EEA1: variants seen among roughly 807,000 people sequenced by gnomAD.
EEA1 encodes early endosome antigen 1, 162kD.
In EEA1, 111 loss-of-function variants were observed where a neutral mutation model predicts 209.2. That is an observed-to-expected ratio of 0.53 (90% CI 0.45 to 0.62). The LOEUF (loss-of-function observed/expected upper bound fraction) is 0.62, where lower values mean the gene tolerates loss of function less well. EEA1 is among the 20% of genes least tolerant of loss of function. The probability of loss-of-function intolerance (pLI) is 0.00; values close to 1 mark genes in which losing one functional copy is unlikely to be tolerated. For synonymous variants in EEA1, 536 were observed against 540.6 expected, an observed-to-expected ratio of 0.99 and a Z score of 0.12; for missense variants, 1,343 against 1,530.8, an observed-to-expected ratio of 0.88 and a Z score of 2.05.
At chr12:92,847,959 A>G (rs751024527) in intron 9 of EEA1, among the ~76,000 whole-genome samples, 1 of 152,122 alleles carries the variant, frequency 6.6e-6, no homozygotes, top group Non-Finnish European at 1.5e-5. Context: ...CTCTTAAGTT[A>G]CCATTTCCTA....
chr12:92,851,079 G>A, intron 9 of EEA1, 32 bp downstream of exon 9: 1 of 1,606,332 alleles, frequency 6.2e-7, no homozygotes, highest in Non-Finnish European at 8.5e-7. Flanking sequence ...AAGCTAATAT[G>A]AATCACATTT....
chr12:92,855,947 T>A (rs553973864), intron 5 of EEA1, among the ~76,000 whole-genome samples: 1 of 152,320 alleles, frequency 6.6e-6, no homozygotes, highest in South Asian at 2.1e-4. Context: ...TTATAAGTAA[T>A]TTGGATTACT....
intron 2 of EEA1, among the ~76,000 whole-genome samples, chr12:92,879,960 CCAAT>C (rs1879065881): frequency 6.6e-6 from 1 of 152,224 alleles, no homozygotes; most frequent in South Asian, 2.1e-4. Flanking sequence ...TCCAAACAAT[CCAAT>C]CATATCCTTC....
At chr12:92,802,862 T>C (rs1383952312) in intron 18 of EEA1, 128 bp from the exon 19 acceptor site, 8 of 677,478 alleles carry the variant, frequency 1.2e-5, no homozygotes, top group East Asian at 3.3e-5. Context: ...GTAAAAATAA[T>C]TTAATTTCAT....
At chr12:92,857,052 G>T (rs897229810) in intron 5 of EEA1, among the ~76,000 whole-genome samples, 7 of 151,930 alleles carry the variant, frequency 4.6e-5, no homozygotes, top group Admixed American at 3.3e-4. Flanking sequence ...GATTACAGGC[G>T]TGGGCCCATC....
rs149373228 is a variant in EEA1, at chr12:92,893,453, A to G, written c.25-1732T>C. ...GACATCTCCACTGAAATGCCCCTCA[A>G]TCACCCAAGATTCAAAACACCTCAC... On this transcript the variant is annotated intron_variant, in intron 1 of 28. Coordinates refer to ENST00000322349, the MANE Select transcript of EEA1 (RefSeq NM_003566.4). Among the ~76,000 whole-genome samples, 27 of 152,294 alleles carry G rather than the reference A, an allele frequency of 1.8e-4. No homozygotes were observed. The East Asian group carries it at 5.2e-3, about 29-fold the overall frequency.
chr12:92,928,686 G>A (rs1712345752), intron 1 of EEA1, among the ~76,000 whole-genome samples: 1 of 152,114 alleles, frequency 6.6e-6, no homozygotes, highest in African/African-American at 2.4e-5. Context: ...GCAGGCGGCG[G>A]CTGGCCCGTC....
At chr12:92,812,678 C>A (rs1875577404) in intron 16 of EEA1, among the ~76,000 whole-genome samples, 1 of 151,990 alleles carries the variant, frequency 6.6e-6, no homozygotes, top group Admixed American at 6.6e-5. Context: ...GGCAACAATT[C>A]AAAAGTTAGG....
intron 2 of EEA1, chr12:92,884,716 A>G: frequency 2.8e-6 from 4 of 1,441,596 alleles, no homozygotes; most frequent in Admixed American, 3.4e-5. Context: ...TAGGAAACAA[A>G]GCTTAGCAGG....
At chr12:92,897,045 C>T (rs1376055975) in intron 1 of EEA1, among the ~76,000 whole-genome samples, 3 of 152,064 alleles carry the variant, frequency 2.0e-5, no homozygotes, top group Non-Finnish European at 4.4e-5. Flanking sequence ...GGCGTGGTGG[C>T]GTTCACCTGT....
intron 1 of EEA1, among the ~76,000 whole-genome samples, chr12:92,921,870 AAAAAAAAAAAAAAAAAG>A (rs1478890201): frequency 1.4e-5 from 2 of 146,706 alleles, no homozygotes; most frequent in Admixed American, 1.3e-4. Flanking sequence ...CTGTCTCAAA[AAAAAAAAAAAAAAAAAG>A]AAAAAAAGAA....
chr12:92,774,061 A>AAC lies in EEA1; in HGVS notation c.*1949_*1950insGT, dbSNP rs1340873737. On this transcript the variant is annotated 3_prime_UTR_variant, in exon 29 of 29. Transcript: ENST00000322349. ...TGGAATTTATTATCTCAAAAAAAAA[A>AAC]AAAAAACAGTGGTGCTGTGAATATC... 1.3e-5 allele frequency: 2 copies of AAC among 150,702 alleles called. No homozygotes were observed. Among genetic ancestry groups the AAC allele is most frequent in the Non-Finnish European group, 3.0e-5 (2 of 67,240 alleles). 9.3% of individuals were successfully genotyped at this position (150,702 alleles called of 1,614,324 possible).
intron 1 of EEA1, among the ~76,000 whole-genome samples, chr12:92,919,632 C>G (rs1233776603): frequency 6.1e-5 from 9 of 146,976 alleles, no homozygotes; most frequent in Admixed American, 2.1e-4. Flanking sequence ...AAACCCACAG[C>G]CAATATCATA....
chr12:92,922,966 AAAT>A (rs1002460734), intron 1 of EEA1, among the ~76,000 whole-genome samples: 1 of 149,502 alleles, frequency 6.7e-6, no homozygotes, highest in Non-Finnish European at 1.5e-5. Context: ...CTCAAAAATA[AAAT>A]AAAATAAAAT....
Position 92,777,540 on chromosome 12 carries a change from G to C in EEA1, c.4014+3C>G. Reference sequence around the variant, plus strand: ...AACTGCTTCATATCCATAGGTGACTGACCTGAAGTGATTGGTTTTCTCTGC... The same window carrying C: ...AACTGCTTCATATCCATAGGTGACTCACCTGAAGTGATTGGTTTTCTCTGC... On this transcript the variant is annotated splice_donor_region_variant and intron_variant, in intron 27 of 28. Transcript: ENST00000322349. 1 of 1,611,194 alleles carries C rather than the reference G, an allele frequency of 6.2e-7. No homozygotes were observed. The highest frequency in any genetic ancestry group is 1.1e-5 in the South Asian group (1 of 90,804).
chr12:92,923,070 G>A (rs111874990), intron 1 of EEA1, among the ~76,000 whole-genome samples: 13,221 of 151,930 alleles, frequency 0.087, 654 homozygotes, highest in Non-Finnish European at 0.098. Context: ...TTCTCTGGCC[G>A]GGCGCGGTGG....
chr12:92,786,334 GACTTTCAAT>G (rs146912441), intron 22 of EEA1, among the ~76,000 whole-genome samples: 1,775 of 152,166 alleles, frequency 0.012, 33 homozygotes, highest in African/African-American at 0.041. Flanking sequence ...AAGCTTCCTT[GACTTTCAAT>G]ACTTTCAATA....
intron 1 of EEA1, among the ~76,000 whole-genome samples, chr12:92,904,150 G>A (rs2454392): frequency 2.6e-5 from 4 of 151,896 alleles, no homozygotes; most frequent in Admixed American, 6.6e-5. Context: ...TAGTAGAGAC[G>A]GGGTTTCTCC....
chr12:92,790,847 G>A (rs1409032853), intron 21 of EEA1, among the ~76,000 whole-genome samples: 1 of 152,136 alleles, frequency 6.6e-6, no homozygotes, highest in Non-Finnish European at 1.5e-5. Context: ...TGAAATGAAG[G>A]AAAAAATGTT....
Sources: allele counts gnomAD v4.1 joint callset (sites outside exome capture counted in the v4.1 genomes callset), GRCh38; gene constraint gnomAD v4.1.1; transcripts MANE v1.5; gene names NCBI Gene and HGNC (gene_info 2026-07-23, HGNC 2026-07-21).